Variants in ARHGAP11A observed in about 807,000 individuals in gnomAD.
ARHGAP11A encodes Rho GTPase activating protein 11A, also known as rho GTPase-activating protein 11A.
In ARHGAP11A, 36 loss-of-function variants were observed where a neutral mutation model predicts 60.5. The observed-to-expected ratio is 0.59, with a 90% CI of 0.46 to 0.79. The LOEUF (loss-of-function observed/expected upper bound fraction) is 0.79, where lower values mean the gene tolerates loss of function less well. ARHGAP11A is among the 30% of genes least tolerant of loss of function. The probability of loss-of-function intolerance (pLI) is 0.00; values close to 1 mark genes in which losing one functional copy is unlikely to be tolerated. For synonymous variants in ARHGAP11A, 362 were observed against 415.5 expected (o/e 0.87, Z 1.57); for missense variants, 1,071 against 1,199.2 (o/e 0.89, Z 1.58).
At chr15:32,622,852 C>T (rs890992375) in intron 2 of ARHGAP11A, among the ~76,000 whole-genome samples, 1 of 152,092 alleles carries the variant, frequency 6.6e-6, no homozygotes, top group Non-Finnish European at 1.5e-5. Context: ...GAAAATCACC[C>T]ATGAAGAGAT....
In ARHGAP11A at chr15:32,639,565, CTAAT is replaced by C. The variant is rs2053801307; in HGVS notation, c.*1722_*1725del. On this transcript the variant is annotated 3_prime_UTR_variant, in exon 12 of 12. Transcript: ENST00000361627. Reference sequence around the variant, plus strand: ...AAGGATGAAATGTTGAATTTGAAGACTAATTCAGTAAGAAGTCCTAGGGGTTTAA... The same window carrying C: ...AAGGATGAAATGTTGAATTTGAAGACTCAGTAAGAAGTCCTAGGGGTTTAA... 1 of 152,222 alleles carries C rather than the reference CTAAT, an allele frequency of 6.6e-6. No homozygotes were observed. The highest frequency in any genetic ancestry group is 2.4e-5 in the African/African-American group (1 of 41,454). 9.4% of individuals were successfully genotyped at this position (152,222 alleles called of 1,614,324 possible). A position where few individuals can be genotyped will look rare whatever the true frequency, so the allele number is the denominator to read the frequency against.
In ARHGAP11A at chr15:32,637,430, G is replaced by C; in HGVS notation, c.2657G>C (p.Ser886Thr). 6.2e-7 allele frequency: 1 copy of C among 1,614,122 alleles called. No individual in the cohort carries two copies. Among genetic ancestry groups the C allele is most frequent in the Non-Finnish European group, 8.5e-7 (1 of 1,180,024 alleles). ...CDGALSSCIE[S>T]ASKDSSVSCI... is the part of the protein sequence containing the mutation. Reference sequence around the variant, plus strand: ...GGTGCTCTTTCCTCTTGTATAGAAAGTGCATCAAAAGATTCCTCTGTTTCA... The same window carrying C: ...GGTGCTCTTTCCTCTTGTATAGAAACTGCATCAAAAGATTCCTCTGTTTCA... The change falls in exon 12 of 12, where the codon AGT becomes ACT. Residue 886 changes from serine to threonine, a missense_variant. Ser to Thr is a moderately conservative substitution (Grantham distance 58). This residue lies in a region of ARHGAP11A where 776 missense variants were observed against 760.2 expected (regional missense o/e 1.02). Transcript: ENST00000361627.
chr15:32,615,217 A>T (rs1405010221), upstream of ARHGAP11A: 1 of 152,230 alleles, frequency 6.6e-6, no homozygotes, highest in African/African-American at 2.4e-5. Context: ...GTTGTCTTTT[A>T]TATTTCCTCA....
rs1364612951 is a variant in ARHGAP11A at position 32,638,824 on chromosome 15, C to T, written c.*979C>T. The T allele has an allele frequency of 6.6e-6, 1 of 152,536 alleles. No individual in the cohort carries two copies. Among genetic ancestry groups the T allele is most frequent in the South Asian group, 2.1e-4 (1 of 4,826 alleles). The allele number at this position is 152,536 out of a possible 1,614,324, so 9.4% of individuals were successfully genotyped here. A position where few individuals can be genotyped will look rare whatever the true frequency, so the allele number is the denominator to read the frequency against. ...ATAATTTGCACAAACACGTTTGTGT[C>T]TGTTCTGTCCAATATAGATTTGGCA... On this transcript the variant is annotated 3_prime_UTR_variant, in exon 12 of 12. Coordinates refer to ENST00000361627, the MANE Select transcript of ARHGAP11A (RefSeq NM_014783.6).
chr15:32,615,785 G>T lies in ARHGAP11A; in HGVS notation c.-427G>T, dbSNP rs902704429. 6.1e-6 allele frequency: 1 copy of T among 163,020 alleles called. No individual in the cohort carries two copies. The highest frequency in any genetic ancestry group is 1.3e-5 in the Non-Finnish European group (1 of 75,012). The allele number at this position is 163,020 out of a possible 1,614,324, so 10.1% of individuals were successfully genotyped here. On this transcript the variant is annotated 5_prime_UTR_variant, in exon 1 of 12. In the 5' UTR this introduces an upstream ATG that the reference lacks. Coordinates refer to ENST00000361627, the MANE Select transcript of ARHGAP11A (RefSeq NM_014783.6). ...CCTGCTGGGGCTGGAGGAGCGAGAA[G>T]GGTTTTCTTCACATTTCAGAGCGAA...
Position 32,636,524 on chromosome 15 carries a change from T to C in ARHGAP11A, c.1751T>C (p.Leu584Pro). The change falls in exon 12 of 12, where the codon CTT becomes CCT. Residue 584 changes from leucine (L) to proline (P), a missense_variant. Leu to Pro is a moderately conservative substitution (Grantham distance 98). Around this residue, in one of 4 missense-constraint regions of ARHGAP11A, gnomAD observed 776 missense variants for 760.2 expected, o/e 1.02. Coordinates refer to ENST00000361627, the MANE Select transcript of ARHGAP11A (RefSeq NM_014783.6). ...AATAGCAACATAACAAGTAGCCCTC[T>C]TAGCGGGGATGAAAATAACATGACC... The part of the protein sequence containing the change: ...KHNSNITSSP[L>P]SGDENNMTKE... The C allele has an allele frequency of 6.2e-7, 1 of 1,614,094 alleles. No homozygotes were observed. Among genetic ancestry groups the C allele is most frequent in the Non-Finnish European group, 8.5e-7 (1 of 1,179,978 alleles).
rs187197117 is a variant in ARHGAP11A at position 32,639,044 on chromosome 15, G to A, written c.*1199G>A. The stretch of plus-strand genomic sequence containing the variant: ...CATTAAAGATAACTCTCTGGAAAAT[G>A]ACTTGACTAAGGCTCTCATGAAATT... On this transcript the variant is annotated 3_prime_UTR_variant, in exon 12 of 12. Coordinates refer to ENST00000361627, the MANE Select transcript of ARHGAP11A (RefSeq NM_014783.6). 6.5e-6 allele frequency: 1 copy of A among 152,748 alleles called. No individual in the cohort carries two copies. The highest frequency in any genetic ancestry group is 1.5e-5 in the Non-Finnish European group (1 of 68,038). The allele number at this position is 152,748 out of a possible 1,614,324, so 9.5% of individuals were successfully genotyped here. A position where few individuals can be genotyped will look rare whatever the true frequency, so the allele number is the denominator to read the frequency against.
intron 2 of ARHGAP11A, among the ~76,000 whole-genome samples, chr15:32,622,513 G>T (rs1245737790): frequency 2.0e-5 from 3 of 152,116 alleles, no homozygotes; most frequent in Non-Finnish European, 2.9e-5. Flanking sequence ...GTAATTTCAT[G>T]ACCTACTTTT....
chr15:32,621,843 A>G (rs953139034), intron 2 of ARHGAP11A, among the ~76,000 whole-genome samples: 7 of 152,268 alleles, frequency 4.6e-5, no homozygotes, highest in African/African-American at 1.7e-4. Context: ...AAAAAAAGAA[A>G]AAAAAAGAAT....
intron 2 of ARHGAP11A, among the ~76,000 whole-genome samples, chr15:32,622,959 G>A (rs2053373465): frequency 6.6e-6 from 1 of 151,766 alleles, no homozygotes; most frequent in Admixed American, 6.6e-5. Flanking sequence ...TTGAGAAGGA[G>A]CAGGCAGGGA....
chr15:32,633,877 A>G (rs1567058378), intron 9 of ARHGAP11A, 56 bp from the exon 10 acceptor site: 1 of 1,050,592 alleles, frequency 9.5e-7, no homozygotes, highest in South Asian at 1.5e-5. Flanking sequence ...TCGTATTTCA[A>G]GTATTTCTCT....
At position 32,632,991 on chromosome 15, in the gene ARHGAP11A, C is replaced by G; in HGVS notation, c.1118C>G (p.Thr373Arg). 6.2e-7 allele frequency: 1 copy of G among 1,612,922 alleles called. No homozygotes were observed. The highest frequency in any genetic ancestry group is 2.2e-5 in the East Asian group (1 of 44,842). ...GTTATTTTTGTAGTTCACATCGATA[C>G]AAGCTCAGAAGGGTCATCTCAGAGT... ...SSTPVSVHID[T>R]SSEGSSQSSL... Residue 373 changes from threonine to arginine, a missense_variant, in exon 9 of 12, where the codon ACA becomes AGA. Thr to Arg is a moderately conservative substitution (Grantham distance 71, BLOSUM62 -1). This residue lies in a region of ARHGAP11A where 776 missense variants were observed against 760.2 expected (regional missense o/e 1.02). Coordinates refer to ENST00000361627, the MANE Select transcript of ARHGAP11A (RefSeq NM_014783.6).
In ARHGAP11A at chr15:32,635,875, G is replaced by C. The variant is rs764113248; in HGVS notation, c.1443G>C (p.Leu481Phe). Residue 481 changes from leucine to phenylalanine, a missense_variant, in exon 11 of 12, where the codon TTG (leucine) becomes TTC (phenylalanine). Physicochemically the swap from Leu to Phe is conservative, Grantham distance 22. Transcript: ENST00000361627. ...GAATTGAATCTGTAAAAACAGGTTT[G>C]CTTTTTAGCCCAGATGTTGATGAAA... ...KNRIESVKTG[L>F]LFSPDVDEKL... The C allele has an allele frequency of 1.9e-6, 3 of 1,610,932 alleles. No individual in the cohort carries two copies. Among genetic ancestry groups the C allele is most frequent in the Admixed American group, 3.4e-5 (2 of 59,156 alleles).
chr15:32,622,086 C>T (rs1348497282), intron 2 of ARHGAP11A, among the ~76,000 whole-genome samples: 2 of 152,312 alleles, frequency 1.3e-5, no homozygotes, highest in East Asian at 1.9e-4. Context: ...TTTAAATGAC[C>T]TATGAAAGGC....
chr15:32,617,413 G>C (rs1016604927), intron 1 of ARHGAP11A, among the ~76,000 whole-genome samples: 14 of 147,620 alleles, frequency 9.5e-5, no homozygotes, highest in African/African-American at 2.5e-4. Flanking sequence ...AGCTGATTTT[G>C]TAAGTATATG....
chr15:32,626,915 A>C (rs2053471716), intron 6 of ARHGAP11A, among the ~76,000 whole-genome samples: 1 of 152,144 alleles, frequency 6.6e-6, no homozygotes, highest in African/African-American at 2.4e-5. Context: ...ACTCGAGTAC[A>C]TCTGTAAAGA....
rs557744320 is a variant in ARHGAP11A at position 32,636,525 on chromosome 15, T to C, written c.1752T>C (p.Leu584=). The change falls in exon 12 of 12, where the codon CTT becomes CTC. Residue 584 remains leucine, a synonymous_variant. Coordinates refer to ENST00000361627, the MANE Select transcript of ARHGAP11A (RefSeq NM_014783.6). ...KHNSNITSSP[L]SGDENNMTKE... The stretch of plus-strand genomic sequence containing the variant: ...ATAGCAACATAACAAGTAGCCCTCT[T>C]AGCGGGGATGAAAATAACATGACCA... 6.2e-7 allele frequency: 1 copy of C among 1,614,070 alleles called. No individual in the cohort carries two copies. Among genetic ancestry groups the C allele is most frequent in the Non-Finnish European group, 8.5e-7 (1 of 1,179,986 alleles).
rs1399279743 is a variant in ARHGAP11A, at chr15:32,639,579, A to C, written c.*1734A>C. The C allele has an allele frequency of 6.6e-6, 1 of 152,238 alleles. No homozygotes were observed. Among genetic ancestry groups the C allele is most frequent in the African/African-American group, 2.4e-5 (1 of 41,458 alleles). The allele number at this position is 152,238 out of a possible 1,614,324, so 9.4% of individuals were successfully genotyped here. A position where few individuals can be genotyped will look rare whatever the true frequency, so the allele number is the denominator to read the frequency against. On this transcript the variant is annotated 3_prime_UTR_variant, in exon 12 of 12. Transcript: ENST00000361627. ...GAATTTGAAGACTAATTCAGTAAGA[A>C]GTCCTAGGGGTTTAACTGTACATAC...
At position 32,633,656 on chromosome 15, in the gene ARHGAP11A, CAA is replaced by C. The variant is rs1230548071; in HGVS notation, c.1236-275_1236-274del. On this transcript the variant is annotated intron_variant, in intron 9 of 11. Coordinates refer to ENST00000361627, the MANE Select transcript of ARHGAP11A (RefSeq NM_014783.6). Reference sequence around the variant, plus strand: ...AGACCCTGTCTCAAAAAATAAAAAACAAAGAAAAAAATTCCTGTTAGGTTAAA... The same window carrying C: ...AGACCCTGTCTCAAAAAATAAAAAACAGAAAAAAATTCCTGTTAGGTTAAA... Among the ~76,000 whole-genome samples, 3 of 151,356 alleles carry C rather than the reference CAA, an allele frequency of 2.0e-5. No individual in the cohort carries two copies. In the East Asian group the frequency reaches 5.8e-4, roughly 29 times the overall value.
Sources: allele counts gnomAD v4.1 joint callset (sites outside exome capture counted in the v4.1 genomes callset), GRCh38; gene constraint gnomAD v4.1.1; regional missense constraint gnomAD v4.1.1; transcripts MANE v1.5; gene names NCBI Gene and HGNC (gene_info 2026-07-23, HGNC 2026-07-21).